Variants in ARNT observed in about 807,000 individuals in gnomAD.
ARNT encodes the protein aryl hydrocarbon receptor nuclear translocator.
A neutral mutation model predicts 105.0 loss-of-function variants in ARNT; 30 were observed. The ratio of observed to expected loss-of-function variants is 0.29; its 90% CI spans 0.21 to 0.39. ARNT has a LOEUF of 0.39. Among genes scored for constraint, ARNT ranks in the 10% least tolerant of loss-of-function variants. The pLI is 1.00. For missense variants in ARNT, 748 were observed against 978.7 expected, an observed-to-expected ratio of 0.76 and a Z score of 3.15; for synonymous variants, 304 against 344.0, an observed-to-expected ratio of 0.88 and a Z score of 1.29.
chr1:150,829,854 A>C (rs777725321), intron 11 of ARNT, 50 bp downstream of exon 11: 1 of 1,571,948 alleles, frequency 6.4e-7, no homozygotes, highest in South Asian at 1.1e-5. Flanking sequence ...TGAGTCCTGA[A>C]GATCTGCTCT....
chr1:150,823,882 C>T (rs1657646059), intron 13 of ARNT, among the ~76,000 whole-genome samples: 1 of 146,518 alleles, frequency 6.8e-6, no homozygotes, highest in South Asian at 2.2e-4. Flanking sequence ...CTCGCTCTGT[C>T]ACCAGGCTAG....
chr1:150,811,014 A>G lies in ARNT; in HGVS notation c.*1007T>C, dbSNP rs1654620254. On this transcript the variant is annotated 3_prime_UTR_variant, in exon 22 of 22. Coordinates refer to ENST00000358595, the MANE Select transcript of ARNT (RefSeq NM_001668.4). Reference sequence around the variant, plus strand: ...TCCAAGAAGTTGAGTTTCCATGCAGAAATAACCTCTACAGAACACACATCA... The same window carrying G: ...TCCAAGAAGTTGAGTTTCCATGCAGGAATAACCTCTACAGAACACACATCA... 8.7e-6 allele frequency: 2 copies of G among 231,062 alleles called. No homozygotes were observed. Among genetic ancestry groups the G allele is most frequent in the Admixed American group, 5.7e-5 (1 of 17,692 alleles). 14.3% of individuals were successfully genotyped at this position (231,062 alleles called of 1,614,324 possible).
chr1:150,850,552 G>A (rs1344813117), intron 3 of ARNT, among the ~76,000 whole-genome samples: 3 of 152,248 alleles, frequency 2.0e-5, no homozygotes, highest in Admixed American at 6.5e-5. Context: ...CCGAGGTGCC[G>A]GGATTGCAGA....
intron 1 of ARNT, among the ~76,000 whole-genome samples, chr1:150,872,924 T>C (rs1667679254): frequency 6.6e-6 from 1 of 152,112 alleles, no homozygotes; most frequent in Non-Finnish European, 1.5e-5. Context: ...ATTGTGTCAC[T>C]GCACTCCAGC....
At chr1:150,857,713 T>G (rs1664886998) in intron 2 of ARNT, among the ~76,000 whole-genome samples, 1 of 152,208 alleles carries the variant, frequency 6.6e-6, no homozygotes, top group Admixed American at 6.5e-5. Context: ...AAATGCATAT[T>G]TCCATACACA....
Position 150,837,731 on chromosome 1 carries a change from T to G in ARNT, c.487-1238A>C, listed in dbSNP as rs10305688. On this transcript the variant is annotated intron_variant, in intron 6 of 21. Transcript: ENST00000358595. ...GAAATAATAACCAAGTCTATAGCCC[T>G]AGACATGACTAACGTTTTTTCCTGA... 4.3e-3 allele frequency among the ~76,000 whole-genome samples: 655 copies of G among 152,304 alleles called. 3 individuals are homozygous for G. Among genetic ancestry groups the G allele is most frequent in the African/African-American group, 0.015 (630 of 41,552 alleles).
intron 13 of ARNT, among the ~76,000 whole-genome samples, chr1:150,824,296 T>TC (rs1657744738): frequency 6.6e-6 from 1 of 151,874 alleles, no homozygotes; most frequent in Admixed American, 6.6e-5. Flanking sequence ...AAAGACTGTT[T>TC]CCCTACTTCC....
intron 8 of ARNT, 93 bp downstream of exon 8, chr1:150,834,445 A>G (rs1659902349): frequency 8.2e-7 from 1 of 1,225,082 alleles, no homozygotes; most frequent in Non-Finnish European, 1.2e-6. Context: ...AATTTAATCC[A>G]CTGGAGCTAA....
At chr1:150,870,788 T>A (rs1309010474) in intron 1 of ARNT, among the ~76,000 whole-genome samples, 1 of 151,892 alleles carries the variant, frequency 6.6e-6, no homozygotes, top group African/African-American at 2.4e-5. Context: ...GGATTACAGG[T>A]ATGAGCCACC....
intron 3 of ARNT, among the ~76,000 whole-genome samples, chr1:150,848,104 T>C (rs1160189835): frequency 2.0e-5 from 3 of 152,210 alleles, no homozygotes; most frequent in Non-Finnish European, 1.5e-5. Context: ...CACATTTATA[T>C]ACAATTCTAT....
chr1:150,819,044 G>C (rs1404252836), intron 14 of ARNT, among the ~76,000 whole-genome samples: 2 of 152,074 alleles, frequency 1.3e-5, no homozygotes, highest in Non-Finnish European at 2.9e-5. Context: ...AGTTAGCAAA[G>C]AATTAAACTT....
At chr1:150,845,718 A>G (rs892801347) in intron 4 of ARNT, among the ~76,000 whole-genome samples, 4 of 152,054 alleles carry the variant, frequency 2.6e-5, no homozygotes, top group Admixed American at 6.6e-5. Flanking sequence ...CCTGACCAAC[A>G]TGGTGAAACC....
At chr1:150,840,405 G>A (rs1661061971) in intron 5 of ARNT, among the ~76,000 whole-genome samples, 1 of 152,100 alleles carries the variant, frequency 6.6e-6, no homozygotes, top group Admixed American at 6.5e-5. Context: ...ACCAATTTTT[G>A]CCAACTCAAG....
At chr1:150,869,665 AG>A (rs902376403) in intron 1 of ARNT, among the ~76,000 whole-genome samples, 3 of 150,652 alleles carry the variant, frequency 2.0e-5, no homozygotes, top group Non-Finnish European at 4.4e-5. Context: ...CCACCACCTC[AG>A]CCTCCCAAGT....
chr1:150,841,084 G>C (rs1478178882), intron 5 of ARNT, among the ~76,000 whole-genome samples: 2 of 150,274 alleles, frequency 1.3e-5, no homozygotes, highest in Non-Finnish European at 3.0e-5. Context: ...AGGTAGCTGG[G>C]ACTACAGGCG....
chr1:150,845,548 C>T (rs1306154435), intron 4 of ARNT, among the ~76,000 whole-genome samples: 2 of 151,876 alleles, frequency 1.3e-5, no homozygotes, highest in Non-Finnish European at 2.9e-5. Flanking sequence ...GCAGAGGTTA[C>T]AGTGAGCCGA....
chr1:150,848,893 A>G (rs1173872231), intron 3 of ARNT, among the ~76,000 whole-genome samples: 1 of 152,186 alleles, frequency 6.6e-6, no homozygotes, highest in Non-Finnish European at 1.5e-5. Context: ...AACTTAGTTA[A>G]CAAAACAAAC....
At chr1:150,858,969 T>G (rs1204086990) in intron 1 of ARNT, among the ~76,000 whole-genome samples, 1 of 151,572 alleles carries the variant, frequency 6.6e-6, no homozygotes, top group African/African-American at 2.4e-5. Context: ...ATACTTCAGT[T>G]CCCCCCATGT....
intron 11 of ARNT, chr1:150,829,569 T>C (rs1292005293): frequency 3.5e-6 from 2 of 577,620 alleles, no homozygotes; most frequent in Admixed American, 2.4e-5. Flanking sequence ...ATCAAAATAA[T>C]TCCACTTTTC....
Sources: gnomAD v4.1 joint callset for allele counts (sites outside exome capture counted in the v4.1 genomes callset) on GRCh38, gnomAD v4.1.1 for gene constraint, MANE v1.5 for transcripts, NCBI Gene and HGNC (gene_info 2026-07-23, HGNC 2026-07-21) for gene names.